The following UPF2 variants were observed in gnomAD, a reference collection of about 807,000 sequenced individuals.
The protein encoded by UPF2 is regulator of nonsense transcripts 2.
In UPF2, 17 loss-of-function variants were observed where a neutral mutation model predicts 141.4. The ratio of observed to expected loss-of-function variants is 0.12; its 90% CI spans 0.08 to 0.18. The LOEUF (loss-of-function observed/expected upper bound fraction) is 0.18, where lower values mean the gene tolerates loss of function less well. Ranked by LOEUF, UPF2 falls within the 10% of genes least tolerant of loss-of-function variation. The pLI is 1.00. For synonymous variants in UPF2, 540 were observed against 498.0 expected (o/e 1.08, Z -1.12); for missense variants, 1,152 against 1,515.9 (o/e 0.76, Z 3.99).
At chr10:11,994,080 A>G (rs1833826374) in intron 8 of UPF2, among the ~76,000 whole-genome samples, 1 of 152,190 alleles carries the variant, frequency 6.6e-6, no homozygotes, top group Admixed American at 6.5e-5. Flanking sequence ...TAAATGGAAG[A>G]AACCCAAAAG....
At chr10:11,928,658 G>A in intron 21 of UPF2, 1 of 306,858 alleles carries the variant, frequency 3.3e-6, no homozygotes, top group South Asian at 2.8e-5. Context: ...GCAGTGAGCA[G>A]AGATGGCGCC....
intron 6 of UPF2, among the ~76,000 whole-genome samples, 181 bp downstream of exon 6, chr10:12,001,495 C>T (rs1403386767): frequency 6.6e-6 from 1 of 152,038 alleles, no homozygotes; most frequent in East Asian, 1.9e-4. Flanking sequence ...TGTAGACACA[C>T]AATACTGGGT....
chr10:11,944,940 T>C (rs1160131982), intron 16 of UPF2, among the ~76,000 whole-genome samples: 1 of 152,246 alleles, frequency 6.6e-6, no homozygotes, highest in African/African-American at 2.4e-5. Flanking sequence ...ACCTGCTCTA[T>C]GATCTTGGGC....
Position 12,028,916 on chromosome 10 carries a change from C to T in UPF2, c.974G>A (p.Arg325Lys). 6.2e-7 allele frequency: 1 copy of T among 1,614,132 alleles called. No individual in the cohort carries two copies. The highest frequency in any genetic ancestry group is 8.5e-7 in the Non-Finnish European group (1 of 1,180,026). ...CGDDIAGLVP[R>K]KVKSAAEKFN... ...CTTCTCTGCAGCACTCTTTACTTTC[C>T]TTGGTACAAGTCCAGCAATATCATC... Residue 325 changes from arginine to lysine, a missense_variant, in exon 3 of 22, where the codon AGG becomes AAG. Arg to Lys is a conservative substitution (Grantham distance 26, BLOSUM62 2). Coordinates refer to ENST00000357604, the MANE Select transcript of UPF2 (RefSeq NM_015542.4).
chr10:11,995,069 TA>T (rs1833844612), intron 8 of UPF2, among the ~76,000 whole-genome samples: 1 of 147,618 alleles, frequency 6.8e-6, no homozygotes, highest in Non-Finnish European at 1.5e-5. Context: ...ATGATGTGCC[TA>T]ATTCTTCGTA....
chr10:12,001,126 T>C (rs1347857394), intron 6 of UPF2, among the ~76,000 whole-genome samples: 4 of 152,220 alleles, frequency 2.6e-5, no homozygotes, highest in Admixed American at 2.6e-4. Flanking sequence ...TATTTTAAGA[T>C]ATTTAGGGCC....
intron 4 of UPF2, among the ~76,000 whole-genome samples, chr10:12,012,447 A>G (rs945493145): frequency 2.0e-5 from 3 of 152,206 alleles, no homozygotes; most frequent in African/African-American, 7.2e-5. Context: ...GCCAGGGTCA[A>G]CCAAAACACA....
intron 9 of UPF2, among the ~76,000 whole-genome samples, chr10:11,976,862 T>C (rs1434405780): frequency 6.6e-6 from 1 of 152,260 alleles, no homozygotes; most frequent in Non-Finnish European, 1.5e-5. Context: ...AGGAGCTGCA[T>C]GTGCATTATT....
In UPF2 at chr10:11,921,467, G is replaced by C. The variant is rs868814350; in HGVS notation, c.3810-160C>G. On this transcript the variant is annotated intron_variant, in intron 21 of 21. Transcript: ENST00000357604. The surrounding 1 kb of genome is among the most constrained non-coding windows in gnomAD (Gnocchi z 5.9). ...CCACATCCATGGACCAAAAATATTC[G>C]GGGGAAAAAAACCCAAACAATAAAA... 6.6e-6 allele frequency among the ~76,000 whole-genome samples: 1 copy of C among 151,880 alleles called. No homozygotes were observed. The highest frequency in any genetic ancestry group is 1.5e-5 in the Non-Finnish European group (1 of 67,990).
chr10:11,944,385 T>C (rs1033829374), intron 16 of UPF2, among the ~76,000 whole-genome samples: 9 of 152,142 alleles, frequency 5.9e-5, no homozygotes, highest in Non-Finnish European at 1.0e-4. Context: ...TCCCAGCTAC[T>C]CAGGAGTCTG....
intron 4 of UPF2, among the ~76,000 whole-genome samples, chr10:12,013,772 T>A (rs1448744777): frequency 3.3e-5 from 5 of 151,950 alleles, no homozygotes; most frequent in South Asian, 2.1e-4. Context: ...TTAAGAAAAG[T>A]TTTTTTTAAT....
intron 16 of UPF2, among the ~76,000 whole-genome samples, chr10:11,946,768 CAG>C (rs1296489365): frequency 2.0e-5 from 3 of 151,898 alleles, no homozygotes; most frequent in African/African-American, 2.4e-5. Context: ...TTTAAAGAAA[CAG>C]GGTCTCACTA....
At chr10:11,926,069 A>T (rs1385224196) in intron 21 of UPF2, among the ~76,000 whole-genome samples, 1 of 152,192 alleles carries the variant, frequency 6.6e-6, no homozygotes, top group East Asian at 1.9e-4. Flanking sequence ...TCCAGGCAAG[A>T]GGTGATGGTG....
chr10:11,971,111 T>C (rs539284585), intron 9 of UPF2, among the ~76,000 whole-genome samples: 1 of 152,274 alleles, frequency 6.6e-6, no homozygotes, highest in African/African-American at 2.4e-5. Context: ...GATAAAATTA[T>C]ACAACATTTA....
At chr10:11,934,658 T>C (rs540389671) in intron 19 of UPF2, among the ~76,000 whole-genome samples, 34 of 152,304 alleles carry the variant, frequency 2.2e-4, no homozygotes, top group Admixed American at 3.9e-4. Flanking sequence ...GGTGTGATCT[T>C]GGCTCACTAC....
rs1832913395 is a variant in UPF2, at chr10:11,939,732, G to A, written c.3378+2933C>T. 6.6e-6 allele frequency among the ~76,000 whole-genome samples: 1 copy of A among 151,910 alleles called. No homozygotes were observed. The highest frequency in any genetic ancestry group is 2.4e-5 in the African/African-American group (1 of 41,336). The stretch of plus-strand genomic sequence containing the variant: ...GGGTTTCACCATGTTGGCCAGGCTG[G>A]TCTTGAACTCCTGACCTCAGGTGAT... On this transcript the variant is annotated intron_variant, in intron 18 of 21. Transcript: ENST00000357604. This position sits in a 1 kb window ranked among gnomAD's most constrained non-coding sequence, Gnocchi z 4.8.
intron 14 of UPF2, among the ~76,000 whole-genome samples, chr10:11,954,644 AT>A (rs66477382): frequency 0.8 from 99,286 of 124,160 alleles, 38,488 homozygotes; most frequent in Non-Finnish European, 0.84. Context: ...AAAAAAAAAA[AT>A]ATATATATAT....
rs1039755469 is a variant in UPF2, at chr10:12,019,505, A to G, written c.1146-5321T>C. On this transcript the variant is annotated intron_variant, in intron 3 of 21. Coordinates refer to ENST00000357604, the MANE Select transcript of UPF2 (RefSeq NM_015542.4). The surrounding 1 kb of genome is among the most constrained non-coding windows in gnomAD (Gnocchi z 4.5). Reference sequence around the variant, plus strand: ...CCTGTCACACTACTACATGTCTTATAAATTAGTACATTCTCTCCTGCAATA... The same window carrying G: ...CCTGTCACACTACTACATGTCTTATGAATTAGTACATTCTCTCCTGCAATA... Among the ~76,000 whole-genome samples, 1 of 152,240 alleles carries G rather than the reference A, an allele frequency of 6.6e-6. No individual in the cohort carries two copies. The highest frequency in any genetic ancestry group is 1.5e-5 in the Non-Finnish European group (1 of 68,038).
chr10:12,004,864 G>A (rs1834010034), intron 4 of UPF2, 137 bp from the exon 5 acceptor site: 4 of 778,490 alleles, frequency 5.1e-6, no homozygotes, highest in South Asian at 4.2e-5. Flanking sequence ...CAATTAACAA[G>A]CACATGTGAC....
Sources: allele counts gnomAD v4.1 joint callset (sites outside exome capture counted in the v4.1 genomes callset), GRCh38; gene constraint gnomAD v4.1.1; non-coding constraint Gnocchi (gnomAD v3.1); transcripts MANE v1.5; gene names NCBI Gene and HGNC (gene_info 2026-07-23, HGNC 2026-07-21).